UNC45B: variants seen among roughly 807,000 people sequenced by gnomAD.
The protein encoded by UNC45B is protein unc-45 homolog B.
Under a neutral mutation model 98.7 loss-of-function variants are expected in UNC45B, and 78 were observed. The observed-to-expected ratio is 0.79, with a 90% CI of 0.66 to 0.95. The LOEUF is 0.95. Among genes scored for constraint, UNC45B ranks in the 40% least tolerant of loss-of-function variants. UNC45B has a pLI of 0.00. For missense variants in UNC45B, 1,225 were observed against 1,184.9 expected (o/e 1.03, Z -0.50); for synonymous variants, 462 against 480.4 (o/e 0.96, Z 0.50).
At chr17:35,183,840 C>T (rs2092288279) in intron 19 of UNC45B, among the ~76,000 whole-genome samples, 2 of 152,208 alleles carry the variant, frequency 1.3e-5, no homozygotes, top group African/African-American at 2.4e-5. Flanking sequence ...GGTGCATATA[C>T]CTCATTGCTT....
chr17:35,153,550 A>T (rs2092036473), intron 5 of UNC45B, among the ~76,000 whole-genome samples: 1 of 152,010 alleles, frequency 6.6e-6, no homozygotes, highest in Non-Finnish European at 1.5e-5. Flanking sequence ...CGAGTGTTTT[A>T]CATTTGCAAG....
rs577737709 is a variant in UNC45B at position 35,152,044 on chromosome 17, G to A, written c.382-849G>A. ...GTGAATCACCTGACATCAGGAGTTC[G>A]AAACCAGCCTGGCCAACATGGTGAA... On this transcript the variant is annotated intron_variant, in intron 4 of 19. Coordinates refer to ENST00000394570, the MANE Select transcript of UNC45B (RefSeq NM_001267052.2). 5.3e-5 allele frequency among the ~76,000 whole-genome samples: 8 copies of A among 152,308 alleles called. No homozygotes were observed. In the East Asian group the frequency reaches 5.8e-4, roughly 11 times the overall value.
chr17:35,171,241 C>T lies in UNC45B; in HGVS notation c.1690-81C>T, dbSNP rs376381363. 5,511 of 1,560,500 alleles carry T rather than the reference C, an allele frequency of 3.5e-3. 27 individuals carry two copies. Among genetic ancestry groups the T allele is most frequent in the Non-Finnish European group, 3.6e-3 (4,163 of 1,148,226 alleles). On this transcript the variant is annotated intron_variant, in intron 12 of 19. Transcript: ENST00000394570. ...TCCTCCGACACCAACCTGCCGGCCA[C>T]GTGAGGGAGCATCCTGGAAGCAGAG... is the stretch of plus-strand genomic sequence containing the variant.
At chr17:35,173,177 G>A (rs1324436222) in intron 13 of UNC45B, among the ~76,000 whole-genome samples, 3 of 149,238 alleles carry the variant, frequency 2.0e-5, no homozygotes, top group Admixed American at 6.7e-5. Context: ...CCCAGGCGGA[G>A]TGCAGTGGTG....
chr17:35,157,714 T>A (rs971586257), intron 7 of UNC45B, among the ~76,000 whole-genome samples: 1 of 152,238 alleles, frequency 6.6e-6, no homozygotes, highest in African/African-American at 2.4e-5. Flanking sequence ...TATTTGCCTA[T>A]CCAGTAGATT....
At chr17:35,149,284 C>A (rs2091999426) in intron 3 of UNC45B, among the ~76,000 whole-genome samples, 1 of 152,192 alleles carries the variant, frequency 6.6e-6, no homozygotes, top group South Asian at 2.1e-4. Flanking sequence ...TGGATTTCAT[C>A]TCAAGGGTTC....
rs1041928941 is a variant in UNC45B at position 35,170,124 on chromosome 17, A to C, written c.1558A>C (p.Asn520His). 7 of 1,610,324 alleles carry C rather than the reference A, an allele frequency of 4.3e-6. No homozygotes were observed. Among genetic ancestry groups the C allele is most frequent in the East Asian group, 2.2e-5 (1 of 44,810 alleles). The change falls in exon 12 of 20, where the codon AAT becomes CAT. Residue 520 changes from asparagine (N) to histidine (H), a missense_variant. Physicochemically the swap from Asn to His is moderately conservative, Grantham distance 68. Transcript: ENST00000394570. ...CCTCCTCACTTCCAGGTGGCTGTGC[A>C]ATATGTCCATAGACACTCGGACCCG... ...LAKQCRKWLC[N>H]MSIDTRTRRW...
Position 35,148,407 on chromosome 17 carries a change from C to T in UNC45B, c.144C>T (p.Asn48=), listed in dbSNP as rs16970656. Residue 48 remains asparagine (N), a synonymous_variant, in exon 2 of 20, where the codon AAC becomes AAT. Transcript: ENST00000394570. ...CCCTGCTGGCCACGCTTTATCGGAACCGGGCAGCCTGTGGCCTGAAAACGG... is the reference window on the plus strand; with the variant it reads ...CCCTGCTGGCCACGCTTTATCGGAATCGGGCAGCCTGTGGCCTGAAAACGG... ...DKALLATLYR[N]RAACGLKTES... 3.0e-3 allele frequency: 4,841 copies of T among 1,613,946 alleles called. 131 individuals are homozygous for T. In the African/African-American group the frequency reaches 0.057, roughly 19 times the overall value.
rs550028181 is a variant in UNC45B, at chr17:35,158,669, G to T, written c.809-706G>T. On this transcript the variant is annotated intron_variant, in intron 7 of 19. Transcript: ENST00000394570. The stretch of plus-strand genomic sequence containing the variant: ...TCTGCCCTCTGGAGCCTCACAGAAG[G>T]AGTCTGTTATCTCACTCTCATGACA... 4.5e-4 allele frequency among the ~76,000 whole-genome samples: 68 copies of T among 152,284 alleles called. 1 individual carries two copies. The highest frequency in any genetic ancestry group is 1.4e-3 in the African/African-American group (60 of 41,568).
rs1364350670 is a variant in UNC45B at position 35,159,506 on chromosome 17, A to G, written c.940A>G (p.Ile314Val). ...NKNVPRKDLA[I>V]HDNSRTIYVV... is the part of the protein sequence containing the mutation. ...GAATGTTCCCAGGAAGGACCTTGCC[A>G]TTCATGACAACTCACGTACCATCTA... Residue 314 changes from isoleucine (I) to valine (V), a missense_variant, in exon 8 of 20, where the codon ATT becomes GTT. Ile to Val is a conservative substitution (Grantham distance 29, BLOSUM62 3). Transcript: ENST00000394570. 7 of 1,614,168 alleles carry G rather than the reference A, an allele frequency of 4.3e-6. No individual in the cohort carries two copies. Among genetic ancestry groups the G allele is most frequent in the Admixed American group, 1.7e-5 (1 of 60,014 alleles).
rs760993725 is a variant in UNC45B, at chr17:35,171,348, G to A, written c.1716G>A (p.Ser572=). 22 of 1,614,098 alleles carry A rather than the reference G, an allele frequency of 1.4e-5. No individual in the cohort carries two copies. Among genetic ancestry groups the A allele is most frequent in the Non-Finnish European group, 1.9e-5 (22 of 1,180,004 alleles). Residue 572 remains serine, a synonymous_variant, in exon 13 of 20, where the codon TCG becomes TCA. Coordinates refer to ENST00000394570, the MANE Select transcript of UNC45B (RefSeq NM_001267052.2). ...AKTSDKTILY[S]VATTLVNCTN... The stretch of plus-strand genomic sequence containing the variant: ...CCAGTGACAAGACCATCCTGTACTC[G>A]GTGGCCACCACCCTGGTGAACTGCA...
Position 35,186,810 on chromosome 17 carries a change from T to C in UNC45B, c.*251T>C. ...ATGTTTCAGAAATTCCCAGAATAAT[T>C]TTCACCCATGATTAGAAATAGGTTG... On this transcript the variant is annotated 3_prime_UTR_variant, in exon 20 of 20. Coordinates refer to ENST00000394570, the MANE Select transcript of UNC45B (RefSeq NM_001267052.2). 1 of 399,318 alleles carries C rather than the reference T, an allele frequency of 2.5e-6. No individual in the cohort carries two copies. The highest frequency in any genetic ancestry group is 4.5e-6 in the Non-Finnish European group (1 of 222,062). 24.7% of individuals were successfully genotyped at this position (399,318 alleles called of 1,614,324 possible).
At chr17:35,174,209 C>T (rs1315797044) in intron 13 of UNC45B, 33 bp from the exon 14 acceptor site, 8 of 1,613,782 alleles carry the variant, frequency 5.0e-6, no homozygotes, top group Non-Finnish European at 6.8e-6. Context: ...GCACCCAGGA[C>T]CCTCCCACAT....
chr17:35,156,345 G>A (rs1249160022), intron 7 of UNC45B, among the ~76,000 whole-genome samples: 3 of 152,124 alleles, frequency 2.0e-5, no homozygotes, highest in Non-Finnish European at 2.9e-5. Flanking sequence ...GGTTAAAATG[G>A]GGCCAGGTGC....
chr17:35,173,004 G>A (rs779518125), intron 13 of UNC45B, among the ~76,000 whole-genome samples: 20 of 152,190 alleles, frequency 1.3e-4, no homozygotes, highest in Middle Eastern at 3.2e-3. Flanking sequence ...ACGACAGCAA[G>A]GCGTGCTGTA....
rs1217072349 is a variant in UNC45B at position 35,164,061 on chromosome 17, A to T, written c.1046A>T (p.Asp349Val). 1.2e-6 allele frequency: 2 copies of T among 1,614,058 alleles called. No individual in the cohort carries two copies. The highest frequency in any genetic ancestry group is 1.7e-5 in the Admixed American group (1 of 60,010). Reference protein sequence around the residue: ...PDLPSCLPLTDNTRMLASILI... With the variant: ...PDLPSCLPLTVNTRMLASILI... ...CTGCCATCCTGCCTGCCCCTGACTG[A>T]CAACACCCGCATGCTGGCCTCTATC... The change falls in exon 9 of 20, where the codon GAC (aspartate) becomes GTC (valine). Residue 349 changes from aspartate (D) to valine (V), a missense_variant. Coordinates refer to ENST00000394570, the MANE Select transcript of UNC45B (RefSeq NM_001267052.2).
intron 4 of UNC45B, 102 bp downstream of exon 4, chr17:35,150,325 TA>T: frequency 7.8e-7 from 1 of 1,286,760 alleles, no homozygotes; most frequent in Non-Finnish European, 1.1e-6. Flanking sequence ...GGGCTAGCCC[TA>T]CCTCCACACT....
At chr17:35,165,501 G>T (rs1030454615) in intron 9 of UNC45B, among the ~76,000 whole-genome samples, 1 of 152,190 alleles carries the variant, frequency 6.6e-6, no homozygotes, top group African/African-American at 2.4e-5. Context: ...TCTTAGGTGG[G>T]TGAAGACGTT....
intron 8 of UNC45B, 120 bp from the exon 9 acceptor site, chr17:35,163,875 C>G: frequency 8.6e-7 from 1 of 1,167,680 alleles, no homozygotes; most frequent in African/African-American, 1.6e-5. Flanking sequence ...TCTGGATGAA[C>G]CACATGTTTT....
Sources: allele counts gnomAD v4.1 joint callset (sites outside exome capture counted in the v4.1 genomes callset), GRCh38; gene constraint gnomAD v4.1.1; transcripts MANE v1.5; gene names NCBI Gene and HGNC (gene_info 2026-07-23, HGNC 2026-07-21).